Variants in EFEMP1 observed in about 807,000 individuals in gnomAD.
EFEMP1 encodes the protein EGF-containing fibulin-like extracellular matrix protein 1.
In EFEMP1, 18 loss-of-function variants were observed where a neutral mutation model predicts 65.7. The observed-to-expected ratio is 0.27, with a 90% confidence interval of 0.19 to 0.41. EFEMP1 has a LOEUF of 0.41. EFEMP1 is among the 10% of genes least tolerant of loss of function. EFEMP1 has a pLI of 1.00. For synonymous variants in EFEMP1, 237 were observed against 219.7 expected, an observed-to-expected ratio of 1.08 and a Z score of -0.70; for missense variants, 469 against 624.8, an observed-to-expected ratio of 0.75 and a Z score of 2.66.
intron 5 of EFEMP1, among the ~76,000 whole-genome samples, chr2:55,904,222 G>C (rs1670153656): frequency 6.6e-6 from 1 of 152,140 alleles, no homozygotes; most frequent in Admixed American, 6.5e-5. Context: ...CTTGAGATTT[G>C]CAGAAGATCC....
In EFEMP1 at chr2:55,871,633, T is replaced by C. The variant is rs1222529929; in HGVS notation, c.1001-510A>G. ...GGGTGGTGGTTAGATGGAGTTTTCA[T>C]GGCTGGGGCAGGGAAGGCTTTCCAA... On this transcript the variant is annotated intron_variant, in intron 9 of 11. Coordinates refer to ENST00000355426, the MANE Select transcript of EFEMP1 (RefSeq NM_001039348.3). The surrounding 1 kb of genome is among the most constrained non-coding windows in gnomAD (Gnocchi z 4.2). Among the ~76,000 whole-genome samples the C allele has an allele frequency of 6.6e-6, 1 of 152,046 alleles. No individual in the cohort carries two copies. The highest frequency in any genetic ancestry group is 1.9e-4 in the East Asian group (1 of 5,188).
At chr2:55,890,375 C>G (rs763169774) in intron 5 of EFEMP1, among the ~76,000 whole-genome samples, 1 of 151,942 alleles carries the variant, frequency 6.6e-6, no homozygotes, top group African/African-American at 2.4e-5. Context: ...AGCACAGTTA[C>G]AGTAAGATTT....
rs1182372408 is a variant in EFEMP1, at chr2:55,921,264, A to G, written c.81+1096T>C. On this transcript the variant is annotated intron_variant, in intron 3 of 11. Transcript: ENST00000355426. This position sits in a 1 kb window ranked among gnomAD's most constrained non-coding sequence, Gnocchi z 4.1. ...AGAGGAAGCAACTGCATTTAACATG[A>G]AGTTAACAAAATATTTGTATTAAGC... Among the ~76,000 whole-genome samples, 1 of 152,218 alleles carries G rather than the reference A, an allele frequency of 6.6e-6. No individual in the cohort carries two copies. Among genetic ancestry groups the G allele is most frequent in the African/African-American group, 2.4e-5 (1 of 41,456 alleles).
At chr2:55,920,258 T>C (rs1670867140) in intron 3 of EFEMP1, among the ~76,000 whole-genome samples, 1 of 152,260 alleles carries the variant, frequency 6.6e-6, no homozygotes, top group Admixed American at 6.5e-5. Context: ...TCCTCTAATA[T>C]GCTGGCACCA....
Position 55,880,462 on chromosome 2 carries a change from T to A in EFEMP1, c.640+1150A>T, listed in dbSNP as rs1434810541. Among the ~76,000 whole-genome samples, 4 of 152,338 alleles carry A rather than the reference T, an allele frequency of 2.6e-5. No individual in the cohort carries two copies. The East Asian group carries it at 7.7e-4, about 29-fold the overall frequency. ...GTTTTCTACACACTCTTCTTTTAAATCACAGCTTCATTTATAGCAAACCCT... is the reference window on the plus strand; with the variant it reads ...GTTTTCTACACACTCTTCTTTTAAAACACAGCTTCATTTATAGCAAACCCT... On this transcript the variant is annotated intron_variant, in intron 6 of 11. Transcript: ENST00000355426.
Position 55,873,682 on chromosome 2 carries a change from G to C in EFEMP1, c.1000+1264C>G, listed in dbSNP as rs1235604481. On this transcript the variant is annotated intron_variant, in intron 9 of 11. Transcript: ENST00000355426. The surrounding 1 kb of genome is among the most constrained non-coding windows in gnomAD (Gnocchi z 4.6). ...ATAAAGTCTCTAGTAACCTGGAAAGGGTTATAAAGATGTTCATTGTGCAAT... is the reference window on the plus strand; with the variant it reads ...ATAAAGTCTCTAGTAACCTGGAAAGCGTTATAAAGATGTTCATTGTGCAAT... 6.6e-6 allele frequency among the ~76,000 whole-genome samples: 1 copy of C among 151,916 alleles called. No homozygotes were observed. Among genetic ancestry groups the C allele is most frequent in the African/African-American group, 2.4e-5 (1 of 41,374 alleles).
chr2:55,895,588 C>CTGGA (rs1262725313), intron 5 of EFEMP1, among the ~76,000 whole-genome samples: 24 of 149,266 alleles, frequency 1.6e-4, no homozygotes, highest in African/African-American at 5.7e-4. Context: ...GTCGCCCAGG[C>CTGGA]TGGAGTGCAG....
At chr2:55,914,363 C>T (rs1670595675) in intron 5 of EFEMP1, among the ~76,000 whole-genome samples, 1 of 152,154 alleles carries the variant, frequency 6.6e-6, no homozygotes, top group African/African-American at 2.4e-5. Context: ...TGTTGTATTT[C>T]AAACTCCTTG....
intron 5 of EFEMP1, among the ~76,000 whole-genome samples, chr2:55,913,239 C>T (rs1334990647): frequency 6.6e-6 from 1 of 152,140 alleles, no homozygotes; most frequent in Non-Finnish European, 1.5e-5. Context: ...AAAGGCATTT[C>T]CAGGAACATG....
chr2:55,908,800 A>G (rs1398225604), intron 5 of EFEMP1, among the ~76,000 whole-genome samples: 1 of 152,148 alleles, frequency 6.6e-6, no homozygotes, highest in African/African-American at 2.4e-5. Context: ...TCCCAACCAA[A>G]GTGTATTTTC....
chr2:55,920,388 C>A (rs189416922), intron 3 of EFEMP1, among the ~76,000 whole-genome samples: 4 of 152,342 alleles, frequency 2.6e-5, no homozygotes, highest in Admixed American at 6.5e-5. Flanking sequence ...AGGCTAAATT[C>A]TCCAAGAGGA....
At chr2:55,876,768 ATATG>A (rs748893900) in intron 7 of EFEMP1, 26 bp from the exon 8 acceptor site, 55 of 1,291,922 alleles carry the variant, frequency 4.3e-5, no homozygotes, top group South Asian at 2.3e-4. Context: ...ATATATATAT[ATATG>A]TATATGTATA....
At chr2:55,875,919 C>A (rs892407011) in intron 8 of EFEMP1, among the ~76,000 whole-genome samples, 1 of 151,806 alleles carries the variant, frequency 6.6e-6, no homozygotes, top group Non-Finnish European at 1.5e-5. Context: ...GATGTGAGGC[C>A]TCTCTCGGTG....
chr2:55,875,089 G>T (rs1307871577), intron 8 of EFEMP1, 24 bp from the exon 9 acceptor site: 1 of 1,566,014 alleles, frequency 6.4e-7, no homozygotes, highest in Non-Finnish European at 8.7e-7. Flanking sequence ...CAAGAGAAAG[G>T]ACACAGAGTT....
chr2:55,878,837 T>C (rs1159775990), intron 6 of EFEMP1, among the ~76,000 whole-genome samples: 3 of 152,156 alleles, frequency 2.0e-5, no homozygotes, highest in African/African-American at 7.2e-5. Flanking sequence ...AGTAGAATTA[T>C]TGGGAGGGTT....
chr2:55,909,300 T>G (rs530955225), intron 5 of EFEMP1, among the ~76,000 whole-genome samples: 3 of 152,286 alleles, frequency 2.0e-5, no homozygotes, highest in African/African-American at 7.2e-5. Flanking sequence ...TGGAATATGT[T>G]TAGACAGAGC....
chr2:55,906,243 T>A (rs1249931776), intron 5 of EFEMP1, among the ~76,000 whole-genome samples: 2 of 116,156 alleles, frequency 1.7e-5, no homozygotes, highest in African/African-American at 7.4e-5. Context: ...TTTTTTTTTT[T>A]AGACGGAGTC....
intron 5 of EFEMP1, among the ~76,000 whole-genome samples, chr2:55,898,975 A>G (rs1364986162): frequency 6.6e-6 from 1 of 152,190 alleles, no homozygotes; most frequent in African/African-American, 2.4e-5. Context: ...AAGAGACATG[A>G]AAGGAGAGTT....
intron 5 of EFEMP1, among the ~76,000 whole-genome samples, chr2:55,896,311 G>A (rs553804879): frequency 6.6e-6 from 1 of 152,332 alleles, no homozygotes; most frequent in Admixed American, 6.5e-5. Context: ...CTTCTGCAAA[G>A]GCTGAATTAC....
Sources: allele counts gnomAD v4.1 joint callset (sites outside exome capture counted in the v4.1 genomes callset), GRCh38; gene constraint gnomAD v4.1.1; non-coding constraint Gnocchi (gnomAD v3.1); transcripts MANE v1.5; gene names NCBI Gene and HGNC (gene_info 2026-07-23, HGNC 2026-07-21).